STS: variants seen among roughly 807,000 people sequenced by gnomAD.
STS encodes the protein steroid sulfatase.
Under a neutral mutation model 26.8 loss-of-function variants are expected in STS, and 7 were observed. The observed-to-expected ratio is 0.26, with a 90% confidence interval of 0.15 to 0.49. STS has a LOEUF of 0.49. STS is among the 20% of genes least tolerant of loss of function. STS has a pLI of 0.98. For missense variants in STS, 434 were observed against 465.6 expected (o/e 0.93, Z 0.63); for synonymous variants, 199 against 189.4 (o/e 1.05, Z -0.42).
intron 6 of STS, among the ~76,000 whole-genome samples, chrX:7,261,178 A>T (rs761012349): frequency 1.8e-5 from 2 of 112,039 alleles, no homozygotes; most frequent in Non-Finnish European, 3.8e-5. Flanking sequence ...TGGAAAGTTC[A>T]TCTGAAAATC....
rs1022027706 is a variant in STS, at chrX:7,190,365, A to G, written c.-133-515A>G. On this transcript the variant is annotated intron_variant, in intron 1 of 10. Coordinates refer to ENST00000674429, the MANE Select transcript of STS (RefSeq NM_001320752.2). ...ATCTGACAGGAGGTGGCGCTCAGGC[A>G]GTAATGTGAGTGATGGAGAATGGCT... 3.6e-5 allele frequency among the ~76,000 whole-genome samples: 4 copies of G among 111,349 alleles called. No individual in the cohort carries two copies. In the Admixed American group the frequency reaches 3.8e-4, roughly 11 times the overall value.
intron 2 of STS, among the ~76,000 whole-genome samples, chrX:7,204,521 C>T (rs1487785192): frequency 2.2e-5 from 2 of 89,382 alleles, no homozygotes; most frequent in Non-Finnish European, 4.5e-5. Context: ...TCCTCCCTTC[C>T]TCCCTCCCTC....
chrX:7,266,227 G>T (rs963888668), intron 6 of STS, among the ~76,000 whole-genome samples: 29 of 111,816 alleles, frequency 2.6e-4, no homozygotes, highest in Non-Finnish European at 2.6e-4. Context: ...GTCAAAGGTG[G>T]TGAGGAAAAT....
At chrX:7,200,334 G>A (rs1264186703) in intron 2 of STS, among the ~76,000 whole-genome samples, 2 of 110,602 alleles carry the variant, frequency 1.8e-5, no homozygotes, top group Admixed American at 9.7e-5. Context: ...CAGACATGTC[G>A]GAAATTTTGA....
At chrX:7,183,874 C>T (rs528482417) in intron 1 of STS, among the ~76,000 whole-genome samples, 2 of 111,019 alleles carry the variant, frequency 1.8e-5, no homozygotes, top group African/African-American at 6.5e-5. Context: ...TGGTGGCAGG[C>T]GTCTGTAATC....
intron 7 of STS, among the ~76,000 whole-genome samples, chrX:7,287,401 C>T (rs1179549236): frequency 2.7e-5 from 3 of 110,902 alleles, no homozygotes; most frequent in Non-Finnish European, 5.7e-5. Flanking sequence ...GAAATCTCAC[C>T]CCTAAATAGG....
chrX:7,313,852 C>G (rs750095153), intron 8 of STS, among the ~76,000 whole-genome samples: 270 of 111,739 alleles, frequency 2.4e-3, no homozygotes, highest in Non-Finnish European at 4.3e-3. Flanking sequence ...TATAAGAGAC[C>G]ACTTCAGTGT....
At chrX:7,340,863 G>A (rs1212194398) in intron 10 of STS, among the ~76,000 whole-genome samples, 4 of 111,490 alleles carry the variant, frequency 3.6e-5, no homozygotes, top group Non-Finnish European at 7.5e-5. Context: ...TGGCGGGACG[G>A]ATGGGAAAGA....
At chrX:7,252,406 G>C in intron 2 of STS, 2 of 428,090 alleles carry the variant, frequency 4.7e-6, no homozygotes, top group Non-Finnish European at 5.9e-6. Context: ...ACCAAGCCAG[G>C]CCTCTCTCTG....
intron 1 of STS, among the ~76,000 whole-genome samples, chrX:7,150,702 A>G (rs1278339316): frequency 9.1e-6 from 1 of 110,350 alleles, no homozygotes; most frequent in African/African-American, 3.3e-5. Context: ...TTTCAGTAAC[A>G]TCACTTCTAT....
chrX:7,325,646 A>G (rs1927407483), intron 9 of STS, 148 bp downstream of exon 9: 1 of 653,685 alleles, frequency 1.5e-6, no homozygotes. Flanking sequence ...AGGTCAATTA[A>G]TAGGATAAAA....
intron 9 of STS, among the ~76,000 whole-genome samples, chrX:7,326,852 G>A (rs1366652063): frequency 2.7e-5 from 3 of 111,485 alleles, no homozygotes; most frequent in South Asian, 3.8e-4. Flanking sequence ...CTCCCCTCCC[G>A]CTGTATTCGA....
intron 1 of STS, among the ~76,000 whole-genome samples, chrX:7,179,288 G>A (rs181112328): frequency 9.3e-6 from 1 of 108,038 alleles, no homozygotes; most frequent in East Asian, 3.0e-4. Flanking sequence ...GCTTTCTCTA[G>A]TCCTTCTCAT....
chrX:7,224,397 GGACT>G (rs1184428797), intron 2 of STS, among the ~76,000 whole-genome samples: 1 of 110,986 alleles, frequency 9.0e-6, no homozygotes, highest in Non-Finnish European at 1.9e-5. Context: ...CTTGTGCAAT[GGACT>G]GACTGTTTAT....
chrX:7,348,463 C>T (rs749970527), intron 10 of STS, among the ~76,000 whole-genome samples: 5 of 112,114 alleles, frequency 4.5e-5, no homozygotes, highest in South Asian at 3.8e-4. Flanking sequence ...AGGGCATTCA[C>T]GTTCTGCACC....
intron 6 of STS, among the ~76,000 whole-genome samples, chrX:7,273,647 A>G (rs770319917): frequency 6.3e-5 from 7 of 111,400 alleles, no homozygotes; most frequent in African/African-American, 1.3e-4. Flanking sequence ...GTCCAATCCT[A>G]TTTCTACATG....
intron 2 of STS, among the ~76,000 whole-genome samples, chrX:7,245,432 C>T (rs761090470): frequency 3.3e-4 from 37 of 112,203 alleles, no homozygotes; most frequent in Non-Finnish European, 6.2e-4. Context: ...TTTAATGTGG[C>T]TTTCTTTGAT....
At chrX:7,299,290 C>A (rs1925843261) in intron 7 of STS, among the ~76,000 whole-genome samples, 1 of 95,040 alleles carries the variant, frequency 1.1e-5, no homozygotes, top group African/African-American at 3.9e-5. Flanking sequence ...ATATAAATAA[C>A]ATGATAATAA....
chrX:7,217,995 G>A (rs1473747418), intron 2 of STS, among the ~76,000 whole-genome samples: 1 of 111,371 alleles, frequency 9.0e-6, no homozygotes, highest in Non-Finnish European at 1.9e-5. Flanking sequence ...TGTGCCTGTT[G>A]GGTAACAATC....
Sources: allele counts gnomAD v4.1 joint callset (sites outside exome capture counted in the v4.1 genomes callset), GRCh38; gene constraint gnomAD v4.1.1; transcripts MANE v1.5; gene names NCBI Gene and HGNC (gene_info 2026-07-23, HGNC 2026-07-21).